DLG2: variants seen among roughly 807,000 people sequenced by gnomAD.
The protein encoded by DLG2 is disks large homolog 2.
DLG2 carries 45 observed loss-of-function variants against 132.5 expected under a neutral mutation model. The ratio of observed to expected loss-of-function variants is 0.34; its 90% CI spans 0.27 to 0.44. DLG2 has a LOEUF of 0.44. DLG2 is among the 20% of genes least tolerant of loss of function. The pLI is 1.00. For missense variants in DLG2, 1,045 were observed against 1,196.9 expected, an observed-to-expected ratio of 0.87 and a Z score of 1.87; for synonymous variants, 424 against 419.6, an observed-to-expected ratio of 1.01 and a Z score of -0.13.
intron 11 of DLG2, among the ~76,000 whole-genome samples, chr11:84,040,324 G>C (rs1200995605): frequency 6.6e-6 from 1 of 152,032 alleles, no homozygotes; most frequent in Non-Finnish European, 1.5e-5. Context: ...GTAATGCCTA[G>C]GTTTTCTTCT....
At chr11:83,870,709 G>A (rs187632095) in intron 16 of DLG2, among the ~76,000 whole-genome samples, 44 of 152,136 alleles carry the variant, frequency 2.9e-4, no homozygotes, top group African/African-American at 1.0e-3. Context: ...GGTATTCAGC[G>A]GTGTGCATGC....
At position 84,013,105 on chromosome 11, in the gene DLG2, A is replaced by T. The variant is rs77575935; in HGVS notation, c.920-32463T>A. ...GTCTTACTTCTCTAATTTTTCAGGG[A>T]TTAAACTAAGACCTCCAGAAATGAA... On this transcript the variant is annotated intron_variant, in intron 11 of 27. Transcript: ENST00000376104. Among the ~76,000 whole-genome samples, 312 of 152,234 alleles carry T rather than the reference A, an allele frequency of 2.0e-3. No individual in the cohort carries two copies. The East Asian group carries it at 0.025, about 12-fold the overall frequency.
intron 7 of DLG2, among the ~76,000 whole-genome samples, chr11:84,440,317 T>A (rs1602156438): frequency 6.6e-6 from 1 of 152,246 alleles, no homozygotes; most frequent in East Asian, 1.9e-4. Context: ...ATACTCAAAA[T>A]ATATTTGTCA....
chr11:85,182,531 T>C (rs1489415024), intron 4 of DLG2, among the ~76,000 whole-genome samples: 1 of 151,862 alleles, frequency 6.6e-6, no homozygotes, highest in African/African-American at 2.4e-5. Flanking sequence ...TGAAAGGCTT[T>C]AGAAATGTAT....
intron 5 of DLG2, among the ~76,000 whole-genome samples, chr11:85,115,264 C>A (rs571790153): frequency 2.8e-4 from 42 of 151,954 alleles, no homozygotes; most frequent in African/African-American, 9.9e-4. Flanking sequence ...TCTCCTAAAG[C>A]CCCCAACCTT....
intron 6 of DLG2, among the ~76,000 whole-genome samples, chr11:84,909,135 C>G (rs2091835075): frequency 6.6e-6 from 1 of 152,104 alleles, no homozygotes; most frequent in Admixed American, 6.5e-5. Flanking sequence ...CACCTTTTAA[C>G]CAGCCTGAGC....
intron 6 of DLG2, among the ~76,000 whole-genome samples, chr11:85,076,045 A>G (rs1265774259): frequency 2.0e-5 from 3 of 151,958 alleles, no homozygotes; most frequent in African/African-American, 7.2e-5. Context: ...TGGTAAATGA[A>G]TTTATTTACT....
chr11:83,710,925 A>G (rs2085265027), intron 18 of DLG2, among the ~76,000 whole-genome samples: 1 of 152,182 alleles, frequency 6.6e-6, no homozygotes, highest in Non-Finnish European at 1.5e-5. Flanking sequence ...AATGTAACCA[A>G]TTTTCATGGA....
intron 6 of DLG2, among the ~76,000 whole-genome samples, chr11:84,888,013 AAACAAC>A (rs909413422): frequency 6.6e-6 from 1 of 152,138 alleles, no homozygotes; most frequent in African/African-American, 2.4e-5. Context: ...ATGTTGTAAT[AAACAAC>A]AACAACAACA....
chr11:83,509,317 C>G (rs1453439587), intron 21 of DLG2, among the ~76,000 whole-genome samples: 2 of 152,218 alleles, frequency 1.3e-5, no homozygotes, highest in East Asian at 3.8e-4. Context: ...ATAATGCCTA[C>G]TTCACATTAT....
intron 4 of DLG2, among the ~76,000 whole-genome samples, chr11:85,222,354 T>C (rs2074703582): frequency 2.6e-5 from 4 of 152,178 alleles, no homozygotes; most frequent in Admixed American, 2.6e-4. Context: ...CATTCATTCA[T>C]TCAACAAACA....
At chr11:85,412,102 G>C (rs1195479963) in intron 3 of DLG2, among the ~76,000 whole-genome samples, 1 of 151,754 alleles carries the variant, frequency 6.6e-6, no homozygotes, top group Non-Finnish European at 1.5e-5. Context: ...TTCCAGGCCT[G>C]AGCAAATCAA....
At chr11:83,947,771 T>C (rs968298270) in intron 14 of DLG2, among the ~76,000 whole-genome samples, 1 of 152,184 alleles carries the variant, frequency 6.6e-6, no homozygotes, top group African/African-American at 2.4e-5. Flanking sequence ...AGCTAGTAAA[T>C]GGTGAGCCCA....
In DLG2 at chr11:83,980,653, G is replaced by C. The variant is rs1006626698; in HGVS notation, c.920-11C>G. The C allele has an allele frequency of 1.9e-6, 3 of 1,556,600 alleles. No individual in the cohort carries two copies. The highest frequency in any genetic ancestry group is 2.6e-6 in the Non-Finnish European group (3 of 1,155,864). ...TACTGAAGCCTAAACCTATAAGAAA[G>C]GAACAGAAAATGGAAAGCCTTGTTT... On this transcript the variant is annotated splice_polypyrimidine_tract_variant and intron_variant, in intron 11 of 27. Coordinates refer to ENST00000376104, the MANE Select transcript of DLG2 (RefSeq NM_001142699.3).
chr11:84,001,213 A>G (rs895560052), intron 11 of DLG2, among the ~76,000 whole-genome samples: 4 of 151,978 alleles, frequency 2.6e-5, no homozygotes, highest in Admixed American at 1.3e-4. Flanking sequence ...TTTACCTATA[A>G]AAACACATGA....
intron 6 of DLG2, among the ~76,000 whole-genome samples, chr11:84,644,056 C>T (rs1594728251): frequency 1.3e-5 from 2 of 152,148 alleles, no homozygotes; most frequent in South Asian, 2.1e-4. Flanking sequence ...AAACCCAAAC[C>T]TGCCTGTTTC....
At chr11:85,395,798 G>A (rs796077987) in intron 3 of DLG2, among the ~76,000 whole-genome samples, 12 of 152,336 alleles carry the variant, frequency 7.9e-5, no homozygotes, top group African/African-American at 2.9e-4. Flanking sequence ...AGCTCAGCAA[G>A]GCCTACTGCC....
intron 3 of DLG2, among the ~76,000 whole-genome samples, chr11:85,402,308 G>C (rs2088217577): frequency 6.6e-6 from 1 of 152,100 alleles, no homozygotes; most frequent in South Asian, 2.1e-4. Context: ...GCTGAAACTG[G>C]ATCCTTTCCT....
Position 84,412,928 on chromosome 11 carries a change from T to A in DLG2, c.519+121642A>T, listed in dbSNP as rs545358921. Among the ~76,000 whole-genome samples, 8 of 152,334 alleles carry A rather than the reference T, an allele frequency of 5.3e-5. No homozygotes were observed. In the South Asian group the frequency reaches 1.7e-3, roughly 32 times the overall value. On this transcript the variant is annotated intron_variant, in intron 7 of 27. Transcript: ENST00000376104. The stretch of plus-strand genomic sequence containing the variant: ...CTCCAGTTATTATCTGAAAACCCAA[T>A]GGAAAATTCTTTTATTCATCTTGGT...
Sources: gnomAD v4.1 joint callset for allele counts (sites outside exome capture counted in the v4.1 genomes callset) on GRCh38, gnomAD v4.1.1 for gene constraint, MANE v1.5 for transcripts, NCBI Gene and HGNC (gene_info 2026-07-23, HGNC 2026-07-21) for gene names.